Variants in SPON1 observed in about 807,000 individuals in gnomAD.
SPON1 encodes the protein spondin-1.
Under a neutral mutation model 111.7 loss-of-function variants are expected in SPON1, and 52 were observed. That is an observed-to-expected ratio of 0.47 (90% CI 0.37 to 0.59). The LOEUF (loss-of-function observed/expected upper bound fraction) is 0.59, where lower values mean the gene tolerates loss of function less well. Ranked by LOEUF, SPON1 falls within the 20% of genes least tolerant of loss-of-function variation. The probability of loss-of-function intolerance (pLI) is 0.00; values close to 1 mark genes in which losing one functional copy is unlikely to be tolerated. For missense variants in SPON1, 957 were observed against 1,068.5 expected, an observed-to-expected ratio of 0.90 and a Z score of 1.46; for synonymous variants, 410 against 395.8, an observed-to-expected ratio of 1.04 and a Z score of -0.43.
intron 14 of SPON1, among the ~76,000 whole-genome samples, chr11:14,262,168 G>T (rs1849192174): frequency 6.6e-6 from 1 of 152,158 alleles, no homozygotes. Flanking sequence ...TGGCTCCTGT[G>T]TTTTTTGCAT....
chr11:13,968,102 T>G (rs1848033307), intron 1 of SPON1, among the ~76,000 whole-genome samples: 1 of 152,192 alleles, frequency 6.6e-6, no homozygotes, highest in Admixed American at 6.5e-5. Context: ...AGCTTTTCAC[T>G]CTCACACTGT....
intron 3 of SPON1, among the ~76,000 whole-genome samples, chr11:14,055,566 G>T (rs961457074): frequency 3.3e-5 from 5 of 152,234 alleles, no homozygotes; most frequent in African/African-American, 1.2e-4. Context: ...GAATCTGTGA[G>T]AATCCTTAGG....
chr11:14,087,846 A>C (rs1165272548), intron 5 of SPON1, among the ~76,000 whole-genome samples: 1 of 152,238 alleles, frequency 6.6e-6, no homozygotes, highest in Non-Finnish European at 1.5e-5. Context: ...ACATATATTT[A>C]GGATAGTTAG....
At chr11:13,971,711 C>G (rs1591336295) in intron 1 of SPON1, among the ~76,000 whole-genome samples, 1 of 152,248 alleles carries the variant, frequency 6.6e-6, no homozygotes, top group South Asian at 2.1e-4. Flanking sequence ...CCAGCCCCAG[C>G]CTCCCACACA....
intron 6 of SPON1, among the ~76,000 whole-genome samples, chr11:14,199,702 T>A (rs1284810883): frequency 1.3e-5 from 2 of 152,344 alleles, no homozygotes; most frequent in South Asian, 2.1e-4. Context: ...CACCTTTTTC[T>A]CCTGCTAATG....
intron 1 of SPON1, among the ~76,000 whole-genome samples, chr11:13,964,253 T>TCCTC (rs1412797852): frequency 1.3e-5 from 2 of 152,244 alleles, no homozygotes; most frequent in Non-Finnish European, 2.9e-5. Context: ...AGGGAGCGTG[T>TCCTC]CCTCTCACCC....
At chr11:14,137,721 C>T (rs1013100706) in intron 6 of SPON1, among the ~76,000 whole-genome samples, 1 of 152,182 alleles carries the variant, frequency 6.6e-6, no homozygotes, top group Non-Finnish European at 1.5e-5. Flanking sequence ...CCGTGAATTT[C>T]ATAGCATGGG....
chr11:14,129,913 T>C (rs1276654738), intron 5 of SPON1, among the ~76,000 whole-genome samples: 4 of 151,974 alleles, frequency 2.6e-5, no homozygotes, highest in African/African-American at 4.8e-5. Context: ...CCACACACTT[T>C]CAAACCATCA....
At chr11:14,090,199 G>GAAAA (rs3047374) in intron 5 of SPON1, among the ~76,000 whole-genome samples, 1 of 113,262 alleles carries the variant, frequency 8.8e-6, no homozygotes, top group Non-Finnish European at 1.8e-5. Flanking sequence ...ACTAGGGTAT[G>GAAAA]AAAAAAAAAA....
chr11:14,241,704 G>C (rs1371034408), intron 6 of SPON1, among the ~76,000 whole-genome samples: 4 of 152,196 alleles, frequency 2.6e-5, no homozygotes, highest in African/African-American at 7.2e-5. Flanking sequence ...TCAGGAGACA[G>C]ATAGGTTGTG....
intron 2 of SPON1, among the ~76,000 whole-genome samples, chr11:14,003,052 G>A (rs534847096): frequency 2.4e-4 from 36 of 152,200 alleles, no homozygotes; most frequent in African/African-American, 7.9e-4. Context: ...GACAGTTTCT[G>A]CAATGGCCTC....
intron 6 of SPON1, among the ~76,000 whole-genome samples, chr11:14,221,083 A>G (rs1005225004): frequency 1.3e-5 from 2 of 152,186 alleles, no homozygotes; most frequent in Non-Finnish European, 2.9e-5. Flanking sequence ...ATTTCTACTC[A>G]TTAATTTATT....
At chr11:14,155,456 G>A (rs1847833920) in intron 6 of SPON1, among the ~76,000 whole-genome samples, 1 of 152,034 alleles carries the variant, frequency 6.6e-6, no homozygotes, top group Admixed American at 6.6e-5. Context: ...GGAGCAGGAG[G>A]AAGGCAGGGG....
chr11:13,991,420 T>C (rs1024738501), intron 2 of SPON1, among the ~76,000 whole-genome samples: 2 of 152,212 alleles, frequency 1.3e-5, no homozygotes, highest in Non-Finnish European at 2.9e-5. Flanking sequence ...ATTTTTCAGC[T>C]CCATCAGGTC....
intron 6 of SPON1, among the ~76,000 whole-genome samples, chr11:14,170,677 C>T (rs1564922564): frequency 1.3e-5 from 2 of 151,998 alleles, no homozygotes; most frequent in African/African-American, 4.8e-5. Flanking sequence ...CCCATCAATA[C>T]CTAATTTATT....
chr11:14,109,949 G>A (rs1478618638), intron 5 of SPON1, among the ~76,000 whole-genome samples: 1 of 152,190 alleles, frequency 6.6e-6, no homozygotes, highest in Non-Finnish European at 1.5e-5. Context: ...GCCTACTCCT[G>A]CGTCACAGCA....
Position 14,265,706 on chromosome 11 carries a change from AG to A in SPON1, c.*22del, listed in dbSNP as rs1554942423. ...TTGTTAGCAAGGGTACGAGTTCCCCAGGGCTGCACTCTAGATTCCAGAGTCA... is the reference window on the plus strand; with the variant it reads ...TTGTTAGCAAGGGTACGAGTTCCCCAGGCTGCACTCTAGATTCCAGAGTCA... On this transcript the variant is annotated 3_prime_UTR_variant, in exon 16 of 16. Coordinates refer to ENST00000576479, the MANE Select transcript of SPON1 (RefSeq NM_006108.4). 1.2e-6 allele frequency: 2 copies of A among 1,609,630 alleles called. No individual in the cohort carries two copies. Among genetic ancestry groups the A allele is most frequent in the African/African-American group, 2.7e-5 (2 of 74,822 alleles).
chr11:14,047,992 C>A (rs1554917992), intron 3 of SPON1, among the ~76,000 whole-genome samples: 1 of 152,284 alleles, frequency 6.6e-6, no homozygotes, highest in African/African-American at 2.4e-5. Flanking sequence ...GTAATCCCAG[C>A]ATTTTGGGAG....
rs985649188 is a variant in SPON1 at position 14,122,408 on chromosome 11, C to A, written c.677-13012C>A. 3.9e-5 allele frequency among the ~76,000 whole-genome samples: 6 copies of A among 152,232 alleles called. No homozygotes were observed. The South Asian group carries it at 1.2e-3, about 32-fold the overall frequency. ...CAGGATGGTCTTGATCTCCTGACCT[C>A]GTGATCTGCCCGCCTCAGCCTCCCA... On this transcript the variant is annotated intron_variant, in intron 5 of 15. Coordinates refer to ENST00000576479, the MANE Select transcript of SPON1 (RefSeq NM_006108.4).
Sources: gnomAD v4.1 joint callset for allele counts (sites outside exome capture counted in the v4.1 genomes callset) on GRCh38, gnomAD v4.1.1 for gene constraint, MANE v1.5 for transcripts, NCBI Gene and HGNC (gene_info 2026-07-23, HGNC 2026-07-21) for gene names.